Variants in NKAIN3 observed in about 807,000 individuals in gnomAD.
NKAIN3 encodes sodium/potassium transporting ATPase interacting 3, also known as sodium/potassium-transporting ATPase subunit beta-1-interacting protein 3.
NKAIN3 carries 25 observed loss-of-function variants against 30.2 expected under a neutral mutation model. That is an observed-to-expected ratio of 0.83 (90% confidence interval 0.60 to 1.16). The LOEUF is 1.16. NKAIN3 is among the 50% of genes most tolerant of loss of function. The pLI is 0.00. For synonymous variants in NKAIN3, 91 were observed against 89.6 expected (o/e 1.02, Z -0.09); for missense variants, 225 against 254.1 (o/e 0.89, Z 0.78).
At chr8:62,403,876 A>G (rs1230531465) in intron 1 of NKAIN3, among the ~76,000 whole-genome samples, 1 of 152,220 alleles carries the variant, frequency 6.6e-6, no homozygotes, top group African/African-American at 2.4e-5. Flanking sequence ...CGCTTGCACC[A>G]TGTGCCTGGA....
chr8:62,316,130 T>C (rs1187632901), intron 1 of NKAIN3, among the ~76,000 whole-genome samples: 1 of 152,112 alleles, frequency 6.6e-6, no homozygotes. Flanking sequence ...CCACAAGGAT[T>C]GTAAGTTTTC....
intron 4 of NKAIN3, among the ~76,000 whole-genome samples, chr8:62,835,989 GA>G (rs1384787263): frequency 6.6e-6 from 1 of 152,114 alleles, no homozygotes; most frequent in Non-Finnish European, 1.5e-5. Context: ...TATACACCAT[GA>G]AATACTATGC....
At chr8:62,333,182 T>C (rs1256399490) in intron 1 of NKAIN3, among the ~76,000 whole-genome samples, 1 of 152,168 alleles carries the variant, frequency 6.6e-6, no homozygotes, top group Non-Finnish European at 1.5e-5. Context: ...CTGAAAGAGA[T>C]AGAGTTACCT....
chr8:62,278,148 C>A (rs1813027865), intron 1 of NKAIN3, among the ~76,000 whole-genome samples: 1 of 152,132 alleles, frequency 6.6e-6, no homozygotes, highest in Non-Finnish European at 1.5e-5. Context: ...CTCTGTGGAG[C>A]CTCTCCTAGA....
chr8:62,297,016 G>T (rs893626376), intron 1 of NKAIN3, among the ~76,000 whole-genome samples: 1 of 152,034 alleles, frequency 6.6e-6, no homozygotes, highest in Non-Finnish European at 1.5e-5. Flanking sequence ...TCTCCAAATA[G>T]CTCTGCAATG....
At chr8:62,515,670 GCTA>G (rs1807963781) in intron 1 of NKAIN3, among the ~76,000 whole-genome samples, 1 of 152,030 alleles carries the variant, frequency 6.6e-6, no homozygotes, top group Non-Finnish European at 1.5e-5. Flanking sequence ...TTCCAGAAAC[GCTA>G]CATTAATTTA....
chr8:62,531,511 C>T (rs1869018), intron 1 of NKAIN3, among the ~76,000 whole-genome samples: 79,922 of 152,030 alleles, frequency 0.53, 23,124 homozygotes, highest in African/African-American at 0.79. Flanking sequence ...TGTCACTTTT[C>T]CTTTTTTAAA....
chr8:62,854,776 G>A (rs1005138688), intron 4 of NKAIN3, among the ~76,000 whole-genome samples: 7 of 152,128 alleles, frequency 4.6e-5, no homozygotes, highest in Non-Finnish European at 2.9e-5. Context: ...TAGTTTATGT[G>A]GTTACTTCAT....
chr8:62,592,634 A>T (rs997759787), intron 3 of NKAIN3, among the ~76,000 whole-genome samples: 4 of 152,052 alleles, frequency 2.6e-5, no homozygotes, highest in African/African-American at 9.6e-5. Flanking sequence ...AAATAGACCA[A>T]GCACTCCAGT....
intron 4 of NKAIN3, among the ~76,000 whole-genome samples, chr8:62,813,499 CT>C (rs34402019): frequency 0.86 from 121,625 of 141,566 alleles, 52,094 homozygotes; most frequent in Admixed American, 0.89. Context: ...TTGAGTCTTC[CT>C]TTTTTTTTTT....
chr8:62,258,071 G>T (rs13268451), intron 1 of NKAIN3, among the ~76,000 whole-genome samples: 1 of 151,710 alleles, frequency 6.6e-6, no homozygotes, highest in Non-Finnish European at 1.5e-5. Flanking sequence ...CTCACAAATT[G>T]TACCTGTGTT....
intron 1 of NKAIN3, among the ~76,000 whole-genome samples, chr8:62,469,576 C>T (rs958852087): frequency 6.6e-6 from 1 of 151,896 alleles, no homozygotes. Context: ...TAGATTGGGC[C>T]CTTCCCCTTT....
intron 4 of NKAIN3, chr8:62,856,848 A>G (rs1282105753): frequency 3.3e-6 from 2 of 602,326 alleles, no homozygotes; most frequent in Admixed American, 4.8e-5. Context: ...AGAGATCTCA[A>G]ACACTGTTTA....
At chr8:62,345,324 TAC>T (rs1258537769) in intron 1 of NKAIN3, among the ~76,000 whole-genome samples, 1 of 24,024 alleles carries the variant, frequency 4.2e-5, no homozygotes, top group African/African-American at 6.3e-5. Flanking sequence ...CACACATATA[TAC>T]ACATATATGT....
chr8:62,579,226 A>G (rs1386080339), intron 1 of NKAIN3, among the ~76,000 whole-genome samples: 1 of 152,032 alleles, frequency 6.6e-6, no homozygotes, highest in African/African-American at 2.4e-5. Context: ...AATAACAATG[A>G]TAAACTTAAA....
intron 4 of NKAIN3, chr8:62,856,334 C>G (rs1820058287): frequency 3.3e-6 from 3 of 921,522 alleles, no homozygotes; most frequent in Non-Finnish European, 3.6e-6. Context: ...TCAGCTTTAA[C>G]CTGCTTAGTG....
chr8:62,422,795 A>C (rs16928889), intron 1 of NKAIN3, among the ~76,000 whole-genome samples: 21,068 of 152,120 alleles, frequency 0.14, 1,750 homozygotes, highest in East Asian at 0.41. Context: ...CTAAAAAGGA[A>C]ATATTTGTTG....
rs2130910509 is a variant in NKAIN3 at position 62,966,961 on chromosome 8, T to C, written c.*1554T>C. On this transcript the variant is annotated 3_prime_UTR_variant, in exon 7 of 7. Coordinates refer to ENST00000623646, the MANE Select transcript of NKAIN3 (RefSeq NM_001304533.3). ...AATCAGAGTTTAATGTGACAAAGTT[T>C]GCCTTCATTCCTCCAAGCTCATCAC... Among the ~76,000 whole-genome samples the C allele has an allele frequency of 6.6e-6, 1 of 152,342 alleles. No homozygotes were observed. Among genetic ancestry groups the C allele is most frequent in the East Asian group, 1.9e-4 (1 of 5,190 alleles).
intron 5 of NKAIN3, among the ~76,000 whole-genome samples, chr8:62,952,146 T>C (rs1281999240): frequency 1.3e-5 from 2 of 152,192 alleles, no homozygotes; most frequent in African/African-American, 4.8e-5. Flanking sequence ...AAAACTCTGA[T>C]ATTATTTTAA....
Sources: gnomAD v4.1 joint callset for allele counts (sites outside exome capture counted in the v4.1 genomes callset) on GRCh38, gnomAD v4.1.1 for gene constraint, MANE v1.5 for transcripts, NCBI Gene and HGNC (gene_info 2026-07-23, HGNC 2026-07-21) for gene names.